TSHZ2: variants seen among roughly 807,000 people sequenced by gnomAD.
TSHZ2 encodes the protein teashirt zinc finger homeobox 2, also known as teashirt homolog 2.
TSHZ2 carries 21 observed loss-of-function variants against 74.4 expected under a neutral mutation model. The observed-to-expected ratio is 0.28, with a 90% CI of 0.20 to 0.41. The LOEUF is 0.41. Among genes scored for constraint, TSHZ2 ranks in the 10% least tolerant of loss-of-function variants. The probability of loss-of-function intolerance (pLI) is 1.00; values close to 1 mark genes in which losing one functional copy is unlikely to be tolerated. For synonymous variants in TSHZ2, 540 were observed against 515.3 expected (o/e 1.05, Z -0.65); for missense variants, 1,244 against 1,293.5 (o/e 0.96, Z 0.59).
chr20:53,350,278 C>T (rs1412181041), intron 2 of TSHZ2, among the ~76,000 whole-genome samples: 2 of 152,236 alleles, frequency 1.3e-5, no homozygotes, highest in Non-Finnish European at 2.9e-5. Context: ...AAGTGGTTCT[C>T]AGTGGAGGAT....
chr20:53,352,306 C>T (rs1034711768), intron 2 of TSHZ2, among the ~76,000 whole-genome samples: 4 of 145,924 alleles, frequency 2.7e-5, no homozygotes, highest in African/African-American at 1.0e-4. Flanking sequence ...TTCCAGAACC[C>T]CAGTCCTTTA....
intron 1 of TSHZ2, among the ~76,000 whole-genome samples, chr20:53,126,019 G>GTTTT (rs1291704538): frequency 5.3e-5 from 8 of 152,102 alleles, no homozygotes; most frequent in Admixed American, 2.0e-4. Flanking sequence ...CTGGGTTTTT[G>GTTTT]TTTGTTGTGT....
intron 1 of TSHZ2, among the ~76,000 whole-genome samples, chr20:53,246,040 CTT>C (rs57243805): frequency 1.8e-4 from 24 of 130,586 alleles, no homozygotes; most frequent in South Asian, 1.4e-3. Flanking sequence ...TTCTTTCTTT[CTT>C]TTTTTTTTTT....
intron 2 of TSHZ2, among the ~76,000 whole-genome samples, chr20:53,456,022 T>C (rs372690100): frequency 2.0e-5 from 3 of 151,046 alleles, no homozygotes; most frequent in African/African-American, 7.3e-5. Context: ...AATAAACATA[T>C]GTGTGCATGT....
intron 2 of TSHZ2, among the ~76,000 whole-genome samples, chr20:53,417,424 G>A (rs1358919397): frequency 6.6e-6 from 1 of 152,036 alleles, no homozygotes; most frequent in African/African-American, 2.4e-5. Flanking sequence ...AGCCTCCCAG[G>A]TAGCTGAGAA....
chr20:53,237,582 T>C (rs1229811549), intron 1 of TSHZ2, among the ~76,000 whole-genome samples: 1 of 152,100 alleles, frequency 6.6e-6, no homozygotes, highest in Non-Finnish European at 1.5e-5. Flanking sequence ...CAAAAAAAGA[T>C]AATGCTCCCA....
intron 1 of TSHZ2, among the ~76,000 whole-genome samples, chr20:53,239,071 A>G (rs1388469586): frequency 2.0e-5 from 3 of 152,156 alleles, no homozygotes; most frequent in Non-Finnish European, 4.4e-5. Context: ...AACCAGACAG[A>G]TAAGTCTCTG....
chr20:53,242,091 C>T (rs538658662), intron 1 of TSHZ2, among the ~76,000 whole-genome samples: 22 of 151,832 alleles, frequency 1.4e-4, no homozygotes, highest in African/African-American at 1.9e-4. Context: ...ACTTACTTGT[C>T]GTCAATTCCC....
intron 1 of TSHZ2, among the ~76,000 whole-genome samples, chr20:53,104,768 A>C (rs1397872733): frequency 6.6e-6 from 1 of 152,224 alleles, no homozygotes; most frequent in African/African-American, 2.4e-5. Context: ...CCCCTCTTAA[A>C]GATGAACCGA....
intron 1 of TSHZ2, among the ~76,000 whole-genome samples, chr20:52,983,108 T>C (rs943023828): frequency 2.6e-5 from 4 of 152,102 alleles, no homozygotes; most frequent in African/African-American, 9.7e-5. Context: ...ATTGGTGCTG[T>C]GATGGATGAC....
chr20:53,092,311 G>A (rs370035466), intron 1 of TSHZ2, among the ~76,000 whole-genome samples: 7 of 151,914 alleles, frequency 4.6e-5, no homozygotes, highest in African/African-American at 1.2e-4. Flanking sequence ...GTCAAGTGTC[G>A]ACTGAAGCTT....
At chr20:53,198,086 G>A (rs1375077158) in intron 1 of TSHZ2, 1 of 152,142 alleles carries the variant, frequency 6.6e-6, no homozygotes, top group Non-Finnish European at 1.5e-5. Flanking sequence ...AAAAAAATAG[G>A]AGTCTTCTAG....
At chr20:53,261,670 G>A (rs375859973) in intron 2 of TSHZ2, among the ~76,000 whole-genome samples, 11 of 152,220 alleles carry the variant, frequency 7.2e-5, no homozygotes, top group South Asian at 6.2e-4. Context: ...CAATCCTGAC[G>A]TGTATAATTT....
Position 53,279,269 on chromosome 20 carries a change from T to G in TSHZ2, c.*8+22698T>G, listed in dbSNP as rs544804705. On this transcript the variant is annotated intron_variant, in intron 2 of 2. Coordinates refer to ENST00000371497, the MANE Select transcript of TSHZ2 (RefSeq NM_173485.6). ...CATGTTGTTCAAGGGACAGCTGTAT[T>G]CAATCTTCCATTGTAGCATAAAAGC... 7.1e-4 allele frequency among the ~76,000 whole-genome samples: 108 copies of G among 152,222 alleles called. 1 individual carries two copies. The highest frequency in any genetic ancestry group is 1.5e-3 in the Non-Finnish European group (99 of 68,032).
intron 2 of TSHZ2, among the ~76,000 whole-genome samples, chr20:53,363,010 A>C (rs369479965): frequency 6.6e-6 from 1 of 152,236 alleles, no homozygotes; most frequent in Non-Finnish European, 1.5e-5. Flanking sequence ...GCCATGCAGC[A>C]TCATAGGATT....
At position 53,100,312 on chromosome 20, in the gene TSHZ2, G is replaced by A. The variant is rs150372320; in HGVS notation, c.40+126979G>A. Among the ~76,000 whole-genome samples, 990 of 152,166 alleles carry A rather than the reference G, an allele frequency of 6.5e-3. 5 individuals are homozygous for A. The highest frequency in any genetic ancestry group is 0.01 in the Middle Eastern group (3 of 294). ...GTTCCTTTGCCTTCCCGTTTTCCAG[G>A]TCATTGCCCAGGTCCTAACCCACCT... On this transcript the variant is annotated intron_variant, in intron 1 of 2. Transcript: ENST00000371497.
At chr20:53,067,835 T>G (rs1985041007) in intron 1 of TSHZ2, among the ~76,000 whole-genome samples, 1 of 152,122 alleles carries the variant, frequency 6.6e-6, no homozygotes, top group African/African-American at 2.4e-5. Flanking sequence ...ATCACAGAAA[T>G]GTACTGTCTC....
chr20:53,161,035 G>T (rs35390847), intron 1 of TSHZ2, among the ~76,000 whole-genome samples: 6 of 54,596 alleles, frequency 1.1e-4, no homozygotes, highest in African/African-American at 1.1e-3. Flanking sequence ...AAATGTTTGG[G>T]GTTTTTTGTT....
chr20:53,481,729 T>C (rs1021990861), intron 2 of TSHZ2, among the ~76,000 whole-genome samples: 1 of 152,128 alleles, frequency 6.6e-6, no homozygotes, highest in African/African-American at 2.4e-5. Context: ...CATGGTGGGA[T>C]CCAGGAGACT....
Sources: gnomAD v4.1 joint callset for allele counts (sites outside exome capture counted in the v4.1 genomes callset) on GRCh38, gnomAD v4.1.1 for gene constraint, MANE v1.5 for transcripts, NCBI Gene and HGNC (gene_info 2026-07-23, HGNC 2026-07-21) for gene names.